CFAP77: variants seen among roughly 807,000 people sequenced by gnomAD.
CFAP77 encodes cilia and flagella associated protein 77, also known as cilia- and flagella-associated protein 77.
Under a neutral mutation model 31.1 loss-of-function variants are expected in CFAP77, and 25 were observed. That is an observed-to-expected ratio of 0.80 (90% CI 0.59 to 1.12). The LOEUF (loss-of-function observed/expected upper bound fraction) is 1.12. Ranked by LOEUF, CFAP77 falls within the 50% of genes most tolerant of loss-of-function variation. CFAP77 has a pLI of 0.00. For synonymous variants in CFAP77, 151 were observed against 159.9 expected, an observed-to-expected ratio of 0.94 and a Z score of 0.42; for missense variants, 377 against 397.3, an observed-to-expected ratio of 0.95 and a Z score of 0.44.
At chr9:132,465,145 T>C (rs1851131081) in intron 1 of CFAP77, among the ~76,000 whole-genome samples, 1 of 151,790 alleles carries the variant, frequency 6.6e-6, no homozygotes, top group Non-Finnish European at 1.5e-5. Flanking sequence ...GACAGTTCCC[T>C]TGACTTCTTC....
In CFAP77 at chr9:132,462,336, A is replaced by G. The variant is rs573119515; in HGVS notation, c.196-36359A>G. 3.7e-4 allele frequency among the ~76,000 whole-genome samples: 57 copies of G among 152,150 alleles called. No individual in the cohort carries two copies. In the South Asian group the frequency reaches 4.4e-3, roughly 12 times the overall value. ...GTTTGTTTGCTTGTTTTGTTTTTCC[A>G]CGATGAGGTGCTGCTTCACTCATTT... On this transcript the variant is annotated intron_variant, in intron 1 of 5. Coordinates refer to ENST00000393216, the MANE Select transcript of CFAP77 (RefSeq NM_001282957.2).
intron 1 of CFAP77, among the ~76,000 whole-genome samples, chr9:132,415,269 G>C (rs1850076206): frequency 6.6e-6 from 1 of 152,098 alleles, no homozygotes; most frequent in African/African-American, 2.4e-5. Context: ...CTCCCTCGTG[G>C]CCCTTTTTTC....
At chr9:132,451,997 G>A (rs1032807436) in intron 1 of CFAP77, among the ~76,000 whole-genome samples, 1 of 151,746 alleles carries the variant, frequency 6.6e-6, no homozygotes, top group East Asian at 1.9e-4. Flanking sequence ...GTAGAGACGG[G>A]GTTTCACTGT....
chr9:132,418,288 C>T (rs988966074), intron 1 of CFAP77, among the ~76,000 whole-genome samples: 6 of 152,226 alleles, frequency 3.9e-5, no homozygotes, highest in Non-Finnish European at 7.3e-5. Context: ...GGGCAGAGGA[C>T]AGAGATGCTG....
At position 132,424,960 on chromosome 9, in the gene CFAP77, G is replaced by A. The variant is rs935644304; in HGVS notation, c.195+14494G>A. Among the ~76,000 whole-genome samples, 3 of 152,072 alleles carry A rather than the reference G, an allele frequency of 2.0e-5. No homozygotes were observed. Among genetic ancestry groups the A allele is most frequent in the East Asian group, 1.9e-4 (1 of 5,184 alleles). ...CGCCAGCAATGAAAAGCACAGTCCCGCTCACCCTCGCAGTTAGTTAGCATT... is the reference window on the plus strand; with the variant it reads ...CGCCAGCAATGAAAAGCACAGTCCCACTCACCCTCGCAGTTAGTTAGCATT... On this transcript the variant is annotated intron_variant, in intron 1 of 5. Transcript: ENST00000393216. The surrounding 1 kb of genome is among the most constrained non-coding windows in gnomAD (Gnocchi z 4.1).
rs1047749634 is a variant in CFAP77, at chr9:132,480,926, G to A, written c.196-17769G>A. 2.0e-5 allele frequency among the ~76,000 whole-genome samples: 3 copies of A among 152,128 alleles called. No individual in the cohort carries two copies. The highest frequency in any genetic ancestry group is 7.2e-5 in the African/African-American group (3 of 41,406). ...CCCCCATTGTGGTCCGGGGGCCCCT[G>A]TTATCAAAACAAGCCACAGACAGTC... On this transcript the variant is annotated intron_variant, in intron 1 of 5. Coordinates refer to ENST00000393216, the MANE Select transcript of CFAP77 (RefSeq NM_001282957.2). The surrounding 1 kb of genome is among the most constrained non-coding windows in gnomAD (Gnocchi z 5.8).
chr9:132,420,351 CA>C lies in CFAP77; in HGVS notation c.195+9886del, dbSNP rs370765356. ...GGGGACACCTAGAGCAAAGGCACATCACCTGGAATGTGCAAGGTGTTTTCAG... is the reference window on the plus strand; with the variant it reads ...GGGGACACCTAGAGCAAAGGCACATCCCTGGAATGTGCAAGGTGTTTTCAG... On this transcript the variant is annotated intron_variant, in intron 1 of 5. Transcript: ENST00000393216. Among the ~76,000 whole-genome samples, 491 of 151,976 alleles carry C rather than the reference CA, an allele frequency of 3.2e-3. 3 individuals are homozygous for C. Among genetic ancestry groups the C allele is most frequent in the African/African-American group, 0.011 (465 of 41,452 alleles).
intron 1 of CFAP77, among the ~76,000 whole-genome samples, chr9:132,473,482 G>A (rs984311736): frequency 2.0e-5 from 3 of 152,144 alleles, no homozygotes; most frequent in African/African-American, 4.8e-5. Flanking sequence ...TTCAACCCAG[G>A]CAAGTTGTAG....
intron 1 of CFAP77, among the ~76,000 whole-genome samples, chr9:132,486,852 G>T (rs1004307997): frequency 2.0e-5 from 3 of 152,272 alleles, no homozygotes; most frequent in East Asian, 1.9e-4. Context: ...GAGGGGGAGG[G>T]GAGGGAACGG....
intron 1 of CFAP77, among the ~76,000 whole-genome samples, chr9:132,488,395 T>A (rs1440156331): frequency 6.6e-6 from 1 of 152,204 alleles, no homozygotes; most frequent in Non-Finnish European, 1.5e-5. Context: ...TCTCATTTCT[T>A]ATGTCTGGAT....
At chr9:132,413,541 AACC>A (rs1406269242) in intron 1 of CFAP77, among the ~76,000 whole-genome samples, 2 of 152,298 alleles carry the variant, frequency 1.3e-5, no homozygotes, top group Admixed American at 1.3e-4. Context: ...ATAGAGAAAG[AACC>A]AAGCTTCTCC....
intron 3 of CFAP77, among the ~76,000 whole-genome samples, chr9:132,529,781 G>A (rs1328151154): frequency 2.0e-5 from 3 of 149,306 alleles, no homozygotes; most frequent in Admixed American, 6.7e-5. Context: ...AGCCAAGGTC[G>A]CACCACTGCA....
intron 3 of CFAP77, among the ~76,000 whole-genome samples, chr9:132,524,865 G>T (rs1589906621): frequency 1.4e-5 from 2 of 147,816 alleles, no homozygotes; most frequent in South Asian, 2.3e-4. Flanking sequence ...AGCTACGATG[G>T]TCTCGATCTC....
At chr9:132,423,534 G>A (rs1466641551) in intron 1 of CFAP77, among the ~76,000 whole-genome samples, 1 of 151,974 alleles carries the variant, frequency 6.6e-6, no homozygotes, top group East Asian at 2.0e-4. Flanking sequence ...GGAAGCCGAG[G>A]CTTATAGAGG....
chr9:132,533,267 C>A (rs941398092), intron 3 of CFAP77, among the ~76,000 whole-genome samples: 1 of 152,222 alleles, frequency 6.6e-6, no homozygotes, highest in African/African-American at 2.4e-5. Context: ...TTCTGGATAC[C>A]GCTCATGGGA....
intron 1 of CFAP77, among the ~76,000 whole-genome samples, chr9:132,468,734 C>A (rs1444776299): frequency 3.9e-5 from 6 of 152,124 alleles, no homozygotes; most frequent in Non-Finnish European, 8.8e-5. Context: ...TATCCCAGGA[C>A]CTTTCACATT....
chr9:132,555,748 A>AC (rs1564251423), intron 5 of CFAP77, among the ~76,000 whole-genome samples: 1 of 150,946 alleles, frequency 6.6e-6, no homozygotes, highest in African/African-American at 2.4e-5. Flanking sequence ...TCCCTAACAC[A>AC]CCCCCCAGCC....
intron 3 of CFAP77, among the ~76,000 whole-genome samples, chr9:132,522,177 T>C (rs1852280681): frequency 6.6e-6 from 1 of 152,170 alleles, no homozygotes; most frequent in Admixed American, 6.5e-5. Context: ...TCTGGGGTCC[T>C]ATATGAAAAT....
At chr9:132,488,044 AG>A (rs1405043806) in intron 1 of CFAP77, among the ~76,000 whole-genome samples, 3 of 152,198 alleles carry the variant, frequency 2.0e-5, no homozygotes, top group South Asian at 2.1e-4. Context: ...AATCACTACC[AG>A]GCAACAGGAT....
Sources: gnomAD v4.1 joint callset for allele counts (sites outside exome capture counted in the v4.1 genomes callset) on GRCh38, gnomAD v4.1.1 for gene constraint, Gnocchi (gnomAD v3.1) non-coding constraint, MANE v1.5 for transcripts, NCBI Gene and HGNC (gene_info 2026-07-23, HGNC 2026-07-21) for gene names.